The following KATNIP variants were observed in gnomAD, a reference collection of about 807,000 sequenced individuals.
KATNIP encodes katanin-interacting protein.
KATNIP carries 126 observed loss-of-function variants against 174.0 expected under a neutral mutation model. The observed-to-expected ratio is 0.72, with a 90% confidence interval of 0.63 to 0.84. The LOEUF (loss-of-function observed/expected upper bound fraction) is 0.84, where lower values mean the gene tolerates loss of function less well. Among genes scored for constraint, KATNIP ranks in the 40% least tolerant of loss-of-function variants. The pLI is 0.00. For synonymous variants in KATNIP, 810 were observed against 835.7 expected, an observed-to-expected ratio of 0.97 and a Z score of 0.53; for missense variants, 1,958 against 2,109.7, an observed-to-expected ratio of 0.93 and a Z score of 1.41.
At chr16:27,751,673 G>T (rs758303182) in intron 16 of KATNIP, 46 bp from the exon 17 acceptor site, 1 of 1,577,280 alleles carries the variant, frequency 6.3e-7, no homozygotes, top group Admixed American at 1.7e-5. Context: ...CAAATCTCTG[G>T]GATGTGAAGT....
At chr16:27,636,681 C>T (rs2076646069) in intron 5 of KATNIP, among the ~76,000 whole-genome samples, 1 of 151,980 alleles carries the variant, frequency 6.6e-6, no homozygotes, top group African/African-American at 2.4e-5. Flanking sequence ...GGCTGAGTAA[C>T]CTCTCTGAGC....
intron 13 of KATNIP, among the ~76,000 whole-genome samples, chr16:27,720,839 G>A (rs1567346927): frequency 6.6e-6 from 1 of 152,196 alleles, no homozygotes; most frequent in Non-Finnish European, 1.5e-5. Flanking sequence ...AGAGTGAATA[G>A]GTATTGTAGA....
chr16:27,679,491 A>G (rs552129527), intron 7 of KATNIP, among the ~76,000 whole-genome samples: 30 of 152,260 alleles, frequency 2.0e-4, no homozygotes, highest in Middle Eastern at 6.8e-3. Flanking sequence ...ACAGTGGCTC[A>G]TGTCTGTAAT....
chr16:27,589,120 G>C (rs2075092659), intron 2 of KATNIP, among the ~76,000 whole-genome samples: 1 of 151,378 alleles, frequency 6.6e-6, no homozygotes, highest in African/African-American at 2.4e-5. Flanking sequence ...TGGCCAGGCT[G>C]GTTTCAAACT....
rs998848557 is a variant in KATNIP at position 27,555,101 on chromosome 16, A to T, written c.7+4924A>T. 8.5e-5 allele frequency among the ~76,000 whole-genome samples: 13 copies of T among 152,062 alleles called. No homozygotes were observed. In the South Asian group the frequency reaches 2.7e-3, roughly 32 times the overall value. On this transcript the variant is annotated intron_variant, in intron 1 of 27. Coordinates refer to ENST00000261588, the MANE Select transcript of KATNIP (RefSeq NM_015202.5). ...CCATGAGCCACCGCACCTGGCCCTG[A>T]TTTATACATAATTTTATAGGCACAT...
rs562168265 is a variant in KATNIP, at chr16:27,600,040, G to A, written c.64-18385G>A. 3.3e-5 allele frequency among the ~76,000 whole-genome samples: 5 copies of A among 152,152 alleles called. No homozygotes were observed. The South Asian group carries it at 8.3e-4, about 25-fold the overall frequency. ...CCTTTTAAAGCCACTCATCGCCCCC[G>A]CCTCCCCCACCTTCCGAGCACTGAC... On this transcript the variant is annotated intron_variant, in intron 2 of 27. Coordinates refer to ENST00000261588, the MANE Select transcript of KATNIP (RefSeq NM_015202.5).
intron 6 of KATNIP, among the ~76,000 whole-genome samples, chr16:27,658,929 ATT>A (rs545255424): frequency 1.4e-5 from 2 of 144,254 alleles, no homozygotes; most frequent in Admixed American, 7.0e-5. Context: ...TGCCCAGCTA[ATT>A]TTTTTTTTTT....
chr16:27,737,902 A>T (rs1452034554), intron 14 of KATNIP, among the ~76,000 whole-genome samples: 1 of 152,058 alleles, frequency 6.6e-6, no homozygotes, highest in Non-Finnish European at 1.5e-5. Context: ...ACAAACTAGG[A>T]TGGCCCGTCA....
In KATNIP at chr16:27,635,033, T is replaced by C. The variant is rs143826534; in HGVS notation, c.408+3871T>C. 9.8e-3 allele frequency among the ~76,000 whole-genome samples: 1,497 copies of C among 152,246 alleles called. 25 individuals are homozygous for C. Among genetic ancestry groups the C allele is most frequent in the African/African-American group, 0.035 (1,441 of 41,558 alleles). On this transcript the variant is annotated intron_variant, in intron 5 of 27. Coordinates refer to ENST00000261588, the MANE Select transcript of KATNIP (RefSeq NM_015202.5). ...TCACGGGACAGGGAGATGAAGAAGC[T>C]GTGTTCTCACGCAGATCCCGTTCTT...
chr16:27,656,261 A>G (rs2142415137), intron 6 of KATNIP, among the ~76,000 whole-genome samples: 1 of 151,894 alleles, frequency 6.6e-6, no homozygotes, highest in Admixed American at 6.6e-5. Context: ...CTCCATCTCT[A>G]CAAAAAATTA....
chr16:27,609,682 G>A (rs541459961), intron 2 of KATNIP, among the ~76,000 whole-genome samples: 23 of 149,730 alleles, frequency 1.5e-4, no homozygotes, highest in African/African-American at 5.2e-4. Context: ...GAGCCACCGC[G>A]CCCTGCCAAG....
At chr16:27,675,470 G>A (rs1202647295) in intron 6 of KATNIP, among the ~76,000 whole-genome samples, 2 of 152,152 alleles carry the variant, frequency 1.3e-5, no homozygotes, top group Non-Finnish European at 2.9e-5. Flanking sequence ...GGAAAAAAGA[G>A]GAATCACCAA....
intron 13 of KATNIP, among the ~76,000 whole-genome samples, chr16:27,710,024 T>C (rs2079503108): frequency 6.6e-6 from 1 of 152,124 alleles, no homozygotes; most frequent in African/African-American, 2.4e-5. Flanking sequence ...CCCTAGGTCG[T>C]GAGGTGCACA....
chr16:27,654,631 C>T (rs779746191), intron 6 of KATNIP: 25 of 1,351,924 alleles, frequency 1.8e-5, no homozygotes, highest in African/African-American at 4.4e-5. Flanking sequence ...CCACCAGTAC[C>T]AAGCCCTGTG....
Position 27,749,623 on chromosome 16 carries a change from G to C in KATNIP, c.2663G>C (p.Trp888Ser), listed in dbSNP as rs2081419345. Residue 888 changes from tryptophan to serine, a missense_variant, in exon 16 of 28, where the codon TGG (tryptophan) becomes TCG (serine). This residue lies in a region of KATNIP where 1,557 missense variants were observed against 1,617.8 expected (regional missense o/e 0.96). Coordinates refer to ENST00000261588, the MANE Select transcript of KATNIP (RefSeq NM_015202.5). ...TCCAGGACGCCGTCACGGTCAAGGT[G>C]GCGCAGTGAGCAGGAGCACACACTT... is the stretch of plus-strand genomic sequence containing the variant. ...WSSRTPSRSR[W>S]RSEQEHTLHE... The C allele has an allele frequency of 3.2e-6, 5 of 1,556,266 alleles. No individual in the cohort carries two copies. Among genetic ancestry groups the C allele is most frequent in the Non-Finnish European group, 4.3e-6 (5 of 1,152,018 alleles).
In KATNIP at chr16:27,633,300, C is replaced by T. The variant is rs192618208; in HGVS notation, c.408+2138C>T. ...AGGGAGGTTTTAAAATATAGATGCT[C>T]AGGCCCCACCCCCGGAGATTCTGAC... On this transcript the variant is annotated intron_variant, in intron 5 of 27. Transcript: ENST00000261588. 2.5e-3 allele frequency among the ~76,000 whole-genome samples: 386 copies of T among 152,114 alleles called. 3 individuals are homozygous for T. Among genetic ancestry groups the T allele is most frequent in the African/African-American group, 8.7e-3 (362 of 41,512 alleles).
Position 27,749,436 on chromosome 16 carries a change from G to A in KATNIP, c.2624-148G>A, listed in dbSNP as rs2081408746. On this transcript the variant is annotated intron_variant, in intron 15 of 27. Transcript: ENST00000261588. ...AAGAGGCCTCTTGGCTAAGGAGACA[G>A]CCGGGAACAACCCCGCTGGTTTCTA... 3.2e-6 allele frequency: 3 copies of A among 929,210 alleles called. No homozygotes were observed. The South Asian group carries it at 6.1e-5, about 19-fold the overall frequency. The allele number at this position is 929,210 out of a possible 1,614,324, so 57.6% of individuals were successfully genotyped here.
intron 4 of KATNIP, 136 bp from the exon 5 acceptor site, chr16:27,630,929 C>T (rs915107023): frequency 2.0e-5 from 13 of 656,500 alleles, no homozygotes; most frequent in East Asian, 1.4e-4. Flanking sequence ...GCCACAACCA[C>T]GCTGTAGTCA....
chr16:27,778,267 C>T (rs534434596), intron 27 of KATNIP, among the ~76,000 whole-genome samples: 40 of 152,350 alleles, frequency 2.6e-4, no homozygotes, highest in Non-Finnish European at 3.7e-4. Context: ...GGGTTTGCCC[C>T]GGGCCGTGGG....
Sources: allele counts gnomAD v4.1 joint callset (sites outside exome capture counted in the v4.1 genomes callset), GRCh38; gene constraint gnomAD v4.1.1; regional missense constraint gnomAD v4.1.1; transcripts MANE v1.5; gene names NCBI Gene and HGNC (gene_info 2026-07-23, HGNC 2026-07-21).